ABCA12: variants seen among roughly 807,000 people sequenced by gnomAD.
ABCA12 encodes glucosylceramide transporter ABCA12.
ABCA12 carries 156 observed loss-of-function variants against 293.5 expected under a neutral mutation model. That is an observed-to-expected ratio of 0.53 (90% CI 0.47 to 0.61). The LOEUF is 0.61. Ranked by LOEUF, ABCA12 falls within the 20% of genes least tolerant of loss-of-function variation. The pLI is 0.00. For missense variants in ABCA12, 2,797 were observed against 3,090.2 expected, an observed-to-expected ratio of 0.91 and a Z score of 2.25; for synonymous variants, 1,063 against 1,108.0, an observed-to-expected ratio of 0.96 and a Z score of 0.81.
Position 215,000,814 on chromosome 2 carries a change from A to G in ABCA12, c.3070T>C (p.Leu1024=). ...ATTGCTCTTTCAATACTATCCTGTA[A>G]ATAAATAAAAGCCCTGCCATAGATC... is the stretch of plus-strand genomic sequence containing the variant. ...NQIYGRAFIY[L]QDSIERAIIE... The change falls in exon 22 of 53, where the codon TTA becomes CTA. Residue 1024 remains leucine, a synonymous_variant. Coordinates refer to ENST00000272895, the MANE Select transcript of ABCA12 (RefSeq NM_173076.3). The G allele has an allele frequency of 6.2e-7, 1 of 1,614,154 alleles. No homozygotes were observed. The highest frequency in any genetic ancestry group is 8.5e-7 in the Non-Finnish European group (1 of 1,180,010).
At chr2:215,047,474 G>A (rs562501302) in intron 6 of ABCA12, among the ~76,000 whole-genome samples, 5 of 152,026 alleles carry the variant, frequency 3.3e-5, no homozygotes, top group African/African-American at 1.2e-4. Flanking sequence ...CCAGAAATAG[G>A]GCTACACACC....
Position 214,983,697 on chromosome 2 carries a change from G to A in ABCA12, c.4332C>T (p.Ser1444=), listed in dbSNP as rs1197914334. Residue 1444 remains serine (S), a synonymous_variant, in exon 29 of 53, where the codon TCC becomes TCT. Transcript: ENST00000272895. ...TTTTAGTCCAGTGAGGAACTTTGAT[G>A]GAACCATATAGGAGAAGGTGCTCCT... ...TTKEHLLLYG[S]IKVPHWTKKQ... 2 of 1,614,014 alleles carry A rather than the reference G, an allele frequency of 1.2e-6. No homozygotes were observed. The highest frequency in any genetic ancestry group is 1.7e-6 in the Non-Finnish European group (2 of 1,179,988).
chr2:215,128,580 A>G (rs527417319), intron 1 of ABCA12, among the ~76,000 whole-genome samples: 6 of 150,628 alleles, frequency 4.0e-5, no homozygotes, highest in East Asian at 3.9e-4. Context: ...TTCTTGTTCA[A>G]TTCCATTGTT....
In ABCA12 at chr2:215,094,539, G is replaced by A. The variant is rs374159122; in HGVS notation, c.163+17058C>T. 4.4e-4 allele frequency among the ~76,000 whole-genome samples: 67 copies of A among 151,986 alleles called. 1 individual carries two copies. Among genetic ancestry groups the A allele is most frequent in the Admixed American group, 2.1e-3 (32 of 15,252 alleles). ...CACAGGCTCATTCCATTCTATCGTC[G>A]TTTCACAACCTCTTCTATGTAGGTC... is the stretch of plus-strand genomic sequence containing the variant. On this transcript the variant is annotated intron_variant, in intron 2 of 52. Coordinates refer to ENST00000272895, the MANE Select transcript of ABCA12 (RefSeq NM_173076.3).
intron 1 of ABCA12, among the ~76,000 whole-genome samples, chr2:215,116,349 A>G (rs1190757143): frequency 6.6e-6 from 1 of 152,204 alleles, no homozygotes; most frequent in Non-Finnish European, 1.5e-5. Context: ...TCAATACTCG[A>G]CATAGCTAAA....
Position 214,958,342 on chromosome 2 carries a change from G to C in ABCA12, c.6052C>G (p.Gln2018Glu). Residue 2018 changes from glutamine to glutamate, a missense_variant, in exon 41 of 53, where the codon CAG (glutamine) becomes GAG (glutamate). By Grantham distance (29) the Gln-to-Glu change is conservative. Coordinates refer to ENST00000272895, the MANE Select transcript of ABCA12 (RefSeq NM_173076.3). The part of the protein sequence containing the change: ...VVREHQTKAK[Q>E]LQHISGIGVT... The stretch of plus-strand genomic sequence containing the variant: ...CCAATGCCTGAAATGTGCTGCAACT[G>C]TTTGGCTTTGGTTTGATGTTCCCTT... The C allele has an allele frequency of 6.2e-7, 1 of 1,614,034 alleles. No individual in the cohort carries two copies. The highest frequency in any genetic ancestry group is 8.5e-7 in the Non-Finnish European group (1 of 1,179,912).
At chr2:214,997,322 T>C (rs1466680689) in intron 23 of ABCA12, among the ~76,000 whole-genome samples, 2 of 152,222 alleles carry the variant, frequency 1.3e-5, no homozygotes, top group Admixed American at 1.3e-4. Flanking sequence ...ACATTTGGGT[T>C]ATTTTAGTTA....
At chr2:215,056,428 G>A (rs1211447052) in intron 3 of ABCA12, among the ~76,000 whole-genome samples, 4 of 152,086 alleles carry the variant, frequency 2.6e-5, no homozygotes, top group Admixed American at 6.6e-5. Context: ...AGACAAGGAC[G>A]CACAGCAGCT....
chr2:215,131,378 C>T (rs568848727), intron 1 of ABCA12, among the ~76,000 whole-genome samples: 47 of 151,158 alleles, frequency 3.1e-4, no homozygotes, highest in Middle Eastern at 6.8e-3. Context: ...CTTTTTTTAT[C>T]GGGAGATTTT....
At chr2:215,050,805 T>C in intron 5 of ABCA12, 1 of 985,324 alleles carries the variant, frequency 1.0e-6, no homozygotes, top group Non-Finnish European at 1.2e-6. Flanking sequence ...CAAAAATGAT[T>C]TCTCTACTCA....
At position 215,083,617 on chromosome 2, in the gene ABCA12, A is replaced by G. The variant is rs376751197; in HGVS notation, c.164-19398T>C. 1.1e-4 allele frequency among the ~76,000 whole-genome samples: 16 copies of G among 152,338 alleles called. No homozygotes were observed. The East Asian group carries it at 2.5e-3, about 24-fold the overall frequency. On this transcript the variant is annotated intron_variant, in intron 2 of 52. Coordinates refer to ENST00000272895, the MANE Select transcript of ABCA12 (RefSeq NM_173076.3). The stretch of plus-strand genomic sequence containing the variant: ...TTGGATGAATGTAAGACGGATTTTC[A>G]TTGTTTATCTAGAGTATACTAACTA...
rs188750792 is a variant in ABCA12, at chr2:215,104,039, C to T, written c.163+7558G>A. ...TATTCAACCATTCATCTTTACTTAT[C>T]GGATAGACTTGGACATTAGCACTCC... On this transcript the variant is annotated intron_variant, in intron 2 of 52. Transcript: ENST00000272895. Among the ~76,000 whole-genome samples the T allele has an allele frequency of 1.2e-3, 182 of 152,202 alleles. 1 individual carries two copies. The highest frequency in any genetic ancestry group is 2.4e-3 in the African/African-American group (101 of 41,534).
rs1177032190 is a variant in ABCA12, at chr2:214,980,550, C to A, written c.4673G>T (p.Cys1558Phe). The A allele has an allele frequency of 6.2e-7, 1 of 1,614,020 alleles. No individual in the cohort carries two copies. Among genetic ancestry groups the A allele is most frequent in the East Asian group, 2.2e-5 (1 of 44,866 alleles). ...TTCCTTGAGGTAAAATGGGGACCCA[C>A]AGCACCTAAGCCCACCCTGCTCCAG... ...AFLEQGGLRC[C>F]GSPFYLKEAF... The change falls in exon 31 of 53, where the codon TGT becomes TTT. Residue 1558 changes from cysteine to phenylalanine, a missense_variant. Cys to Phe is a radical substitution (Grantham distance 205). Coordinates refer to ENST00000272895, the MANE Select transcript of ABCA12 (RefSeq NM_173076.3).
intron 2 of ABCA12, among the ~76,000 whole-genome samples, chr2:215,070,033 G>A (rs1239835346): frequency 2.0e-5 from 3 of 152,152 alleles, no homozygotes; most frequent in Admixed American, 1.3e-4. Context: ...AATATACATC[G>A]TTATGTTTAT....
chr2:214,984,754 T>G (rs551135647), intron 28 of ABCA12, among the ~76,000 whole-genome samples: 1 of 152,230 alleles, frequency 6.6e-6, no homozygotes, highest in South Asian at 2.1e-4. Context: ...ATCTCCTAAC[T>G]ACATGCCCAT....
intron 52 of ABCA12, 119 bp downstream of exon 52, chr2:214,933,959 G>T: frequency 9.1e-7 from 1 of 1,096,136 alleles, no homozygotes; most frequent in Non-Finnish European, 1.3e-6. Context: ...TTTTTCAGGT[G>T]CAAGACTAGA....
At chr2:214,998,421 G>A (rs1700078682) in intron 22 of ABCA12, among the ~76,000 whole-genome samples, 1 of 152,156 alleles carries the variant, frequency 6.6e-6, no homozygotes. Flanking sequence ...GCCTCCCAAA[G>A]TGCTGGGATT....
intron 42 of ABCA12, 36 bp from the exon 43 acceptor site, chr2:214,955,397 C>A: frequency 6.2e-7 from 1 of 1,609,486 alleles, no homozygotes; most frequent in Non-Finnish European, 8.5e-7. Context: ...AAAATTACGC[C>A]TCGGCCAGGC....
intron 1 of ABCA12, among the ~76,000 whole-genome samples, chr2:215,137,892 T>C (rs968065764): frequency 6.6e-6 from 1 of 152,218 alleles, no homozygotes; most frequent in East Asian, 1.9e-4. Context: ...ATGTTCTTTT[T>C]TTTTTGCCCA....
Sources: allele counts gnomAD v4.1 joint callset (sites outside exome capture counted in the v4.1 genomes callset), GRCh38; gene constraint gnomAD v4.1.1; transcripts MANE v1.5; gene names NCBI Gene and HGNC (gene_info 2026-07-23, HGNC 2026-07-21).